DLG2: variants seen among roughly 807,000 people sequenced by gnomAD.
DLG2 encodes the protein discs large MAGUK scaffold protein 2.
In DLG2, 45 loss-of-function variants were observed where a neutral mutation model predicts 132.5. The observed-to-expected ratio is 0.34, with a 90% CI of 0.27 to 0.44. The LOEUF is 0.44. Among genes scored for constraint, DLG2 ranks in the 20% least tolerant of loss-of-function variants. DLG2 has a pLI of 1.00. For missense variants in DLG2, 1,045 were observed against 1,196.9 expected (o/e 0.87, Z 1.87); for synonymous variants, 424 against 419.6 (o/e 1.01, Z -0.13).
intron 11 of DLG2, among the ~76,000 whole-genome samples, chr11:84,024,723 T>G (rs996812237): frequency 6.6e-6 from 1 of 151,642 alleles, no homozygotes; most frequent in Admixed American, 6.6e-5. Context: ...AAGCAGAGAG[T>G]AGAATGGTGG....
intron 3 of DLG2, among the ~76,000 whole-genome samples, chr11:85,399,727 T>C (rs1272888923): frequency 2.0e-5 from 3 of 152,172 alleles, no homozygotes; most frequent in African/African-American, 7.2e-5. Flanking sequence ...TGGCTAACCA[T>C]ATGTAGAAAG....
intron 3 of DLG2, among the ~76,000 whole-genome samples, chr11:85,320,168 T>C (rs182889995): frequency 2.8e-4 from 43 of 151,934 alleles, no homozygotes; most frequent in Admixed American, 2.6e-3. Flanking sequence ...GTGATAAAAA[T>C]ATTGGTGAAA....
intron 3 of DLG2, among the ~76,000 whole-genome samples, chr11:85,401,815 A>G (rs1403833697): frequency 6.6e-6 from 1 of 152,158 alleles, no homozygotes; most frequent in Non-Finnish European, 1.5e-5. Flanking sequence ...GAGAACTACA[A>G]ACCCACTTCT....
chr11:85,019,714 C>T (rs1441652532), intron 6 of DLG2, among the ~76,000 whole-genome samples: 10 of 152,022 alleles, frequency 6.6e-5, no homozygotes, highest in Admixed American at 3.3e-4. Flanking sequence ...TGAGAACATG[C>T]GGTGTTTGGT....
At chr11:83,791,263 G>T (rs1257280506) in intron 17 of DLG2, 15 of 668,414 alleles carry the variant, frequency 2.2e-5, no homozygotes, top group Non-Finnish European at 3.7e-5. Context: ...GGAGGAGAAG[G>T]TGTCCTCATC....
intron 22 of DLG2, among the ~76,000 whole-genome samples, chr11:83,474,525 A>C (rs2092423139): frequency 6.6e-6 from 1 of 152,132 alleles, no homozygotes; most frequent in Non-Finnish European, 1.5e-5. Flanking sequence ...TGTGCAAGGG[A>C]AGAATTCTGA....
chr11:84,164,233 GT>G (rs1187523365), intron 8 of DLG2, among the ~76,000 whole-genome samples: 2 of 152,146 alleles, frequency 1.3e-5, no homozygotes, highest in Non-Finnish European at 2.9e-5. Context: ...TTCCACAAAT[GT>G]GCACAGAGGC....
At chr11:84,463,347 G>A (rs1054393421) in intron 7 of DLG2, among the ~76,000 whole-genome samples, 2 of 151,080 alleles carry the variant, frequency 1.3e-5, no homozygotes, top group Non-Finnish European at 3.0e-5. Context: ...TCCTCCTCAG[G>A]AATATCAGAG....
At chr11:84,065,040 C>A (rs2096650494) in intron 10 of DLG2, among the ~76,000 whole-genome samples, 1 of 152,088 alleles carries the variant, frequency 6.6e-6, no homozygotes, top group Non-Finnish European at 1.5e-5. Flanking sequence ...AATTCGACCC[C>A]TTCCTTAAAC....
intron 3 of DLG2, among the ~76,000 whole-genome samples, chr11:85,563,341 A>G (rs2077355630): frequency 6.6e-6 from 1 of 151,640 alleles, no homozygotes; most frequent in Admixed American, 6.6e-5. Context: ...TAACTCCAAG[A>G]GTTGCACAGA....
At position 84,810,332 on chromosome 11, in the gene DLG2, T is replaced by C. The variant is rs571539842; in HGVS notation, c.358-275601A>G. 5.9e-5 allele frequency among the ~76,000 whole-genome samples: 9 copies of C among 152,254 alleles called. No homozygotes were observed. In the South Asian group the frequency reaches 1.7e-3, roughly 28 times the overall value. On this transcript the variant is annotated intron_variant, in intron 6 of 27. Coordinates refer to ENST00000376104, the MANE Select transcript of DLG2 (RefSeq NM_001142699.3). ...ATATTTCACCAGAGGAAATACAGATTGCAACATAAGCATGTGAAAAGATGT... is the reference window on the plus strand; with the variant it reads ...ATATTTCACCAGAGGAAATACAGATCGCAACATAAGCATGTGAAAAGATGT...
At chr11:84,708,180 T>C (rs910988131) in intron 6 of DLG2, among the ~76,000 whole-genome samples, 1 of 151,868 alleles carries the variant, frequency 6.6e-6, no homozygotes, top group Non-Finnish European at 1.5e-5. Context: ...GTAAAGAGAA[T>C]TTTCATCTTA....
chr11:85,017,598 C>T (rs574976415), intron 6 of DLG2, among the ~76,000 whole-genome samples: 34 of 152,228 alleles, frequency 2.2e-4, no homozygotes, highest in Non-Finnish European at 3.7e-4. Flanking sequence ...TATCACTAAC[C>T]GGAATTACTC....
chr11:84,880,427 T>C (rs767656271), intron 6 of DLG2, among the ~76,000 whole-genome samples: 1 of 152,132 alleles, frequency 6.6e-6, no homozygotes, highest in East Asian at 1.9e-4. Context: ...GCAAATTAAA[T>C]GGTGCACAAG....
intron 12 of DLG2, among the ~76,000 whole-genome samples, chr11:83,973,319 AT>A (rs1399342193): frequency 6.6e-6 from 1 of 152,148 alleles, no homozygotes; most frequent in African/African-American, 2.4e-5. Context: ...TACACTGAGT[AT>A]AAGCAAAATA....
chr11:85,078,715 A>G (rs1246941694), intron 6 of DLG2, among the ~76,000 whole-genome samples: 1 of 152,040 alleles, frequency 6.6e-6, no homozygotes, highest in Non-Finnish European at 1.5e-5. Context: ...CCAAATAAAG[A>G]AATTTTTCAA....
intron 6 of DLG2, among the ~76,000 whole-genome samples, chr11:84,832,574 T>C (rs1325384329): frequency 1.3e-5 from 2 of 151,620 alleles, no homozygotes; most frequent in East Asian, 3.9e-4. Context: ...TAAGTACTTT[T>C]TTTTATTCAA....
intron 21 of DLG2, among the ~76,000 whole-genome samples, chr11:83,514,506 T>A (rs1440012880): frequency 6.6e-6 from 1 of 152,194 alleles, no homozygotes. Context: ...CTTTTCCTAA[T>A]TGAATACCCT....
intron 6 of DLG2, among the ~76,000 whole-genome samples, chr11:84,785,837 T>G (rs2072785189): frequency 1.3e-5 from 2 of 152,120 alleles, no homozygotes; most frequent in Admixed American, 1.3e-4. Context: ...TTCGAGTCCT[T>G]TTATGATGAC....
Sources: gnomAD v4.1 joint callset for allele counts (sites outside exome capture counted in the v4.1 genomes callset) on GRCh38, gnomAD v4.1.1 for gene constraint, MANE v1.5 for transcripts, NCBI Gene and HGNC (gene_info 2026-07-23, HGNC 2026-07-21) for gene names.